UBE2D2: variants seen among roughly 807,000 people sequenced by gnomAD.
UBE2D2 encodes the protein ubiquitin conjugating enzyme E2 D2.
UBE2D2 carries 2 observed loss-of-function variants against 24.2 expected under a neutral mutation model. The ratio of observed to expected loss-of-function variants is 0.08; its 90% CI spans 0.03 to 0.26. The LOEUF (loss-of-function observed/expected upper bound fraction) is 0.26, where lower values mean the gene tolerates loss of function less well. Among genes scored for constraint, UBE2D2 ranks in the 10% least tolerant of loss-of-function variants. The pLI, the probability that UBE2D2 is intolerant of heterozygous loss-of-function variation, is 1.00. For missense variants in UBE2D2, 44 were observed against 177.6 expected, an observed-to-expected ratio of 0.25 and a Z score of 4.28; for synonymous variants, 58 against 56.5, an observed-to-expected ratio of 1.03 and a Z score of -0.12.
At chr5:139,560,139 T>C (rs1396430485), upstream of UBE2D2, among the ~76,000 whole-genome samples, 3 of 151,356 alleles carry the variant, frequency 2.0e-5, no homozygotes, top group African/African-American at 7.3e-5. Context: ...GTTCCAGCGA[T>C]TCTCCTGCCT....
intron 1 of UBE2D2, among the ~76,000 whole-genome samples, chr5:139,583,196 AACTCCTGACCTCAGGTG>A (rs1753644572): frequency 6.6e-6 from 1 of 151,878 alleles, no homozygotes. Flanking sequence ...ACTGGTCTCA[AACTCCTGACCTCAGGTG>A]ATCCACCTGC....
chr5:139,532,220 G>C (rs953788554), intron 1 of UBE2D2, among the ~76,000 whole-genome samples: 3 of 151,012 alleles, frequency 2.0e-5, no homozygotes, highest in Admixed American at 2.0e-4. Context: ...TGTTGCCCAG[G>C]CTGAAGTACA....
intron 2 of UBE2D2, among the ~76,000 whole-genome samples, chr5:139,612,986 G>A (rs1327420094): frequency 6.6e-6 from 1 of 152,104 alleles, no homozygotes; most frequent in Non-Finnish European, 1.5e-5. Context: ...AAGATACTAG[G>A]TCCAGTTTTA....
intron 1 of UBE2D2, among the ~76,000 whole-genome samples, chr5:139,575,441 AAG>A (rs1753449339): frequency 6.6e-6 from 1 of 152,184 alleles, no homozygotes; most frequent in African/African-American, 2.4e-5. Context: ...CAAGCAAAAA[AAG>A]AAAAACCTGA....
intron 1 of UBE2D2, among the ~76,000 whole-genome samples, chr5:139,573,250 C>T (rs1232468411): frequency 3.4e-5 from 5 of 148,424 alleles, no homozygotes; most frequent in Admixed American, 2.0e-4. Context: ...TGCAGTGAGC[C>T]GAGATCGCAC....
In UBE2D2 at chr5:139,561,518, G is replaced by A. The variant is rs933871618; in HGVS notation, c.-274G>A. 7.3e-6 allele frequency: 3 copies of A among 410,882 alleles called. No individual in the cohort carries two copies. Among genetic ancestry groups the A allele is most frequent in the Non-Finnish European group, 1.3e-5 (3 of 232,404 alleles). 25.5% of individuals were successfully genotyped at this position (410,882 alleles called of 1,614,324 possible). ...GGTTTAGGAGGCGGCGCTGATCCTG[G>A]GAGGAAGAGGCAGCTACGGCGGCGG... is the stretch of plus-strand genomic sequence containing the variant. On this transcript the variant is annotated 5_prime_UTR_variant, in exon 1 of 7. Coordinates refer to ENST00000398733, the MANE Select transcript of UBE2D2 (RefSeq NM_003339.3).
At chr5:139,606,692 AT>A (rs1379909935) in intron 2 of UBE2D2, among the ~76,000 whole-genome samples, 1 of 152,158 alleles carries the variant, frequency 6.6e-6, no homozygotes, top group African/African-American at 2.4e-5. Flanking sequence ...TAAATGAAAG[AT>A]TTTTGAAACA....
intron 1 of UBE2D2, among the ~76,000 whole-genome samples, chr5:139,591,131 T>G (rs1753838557): frequency 6.7e-6 from 1 of 148,566 alleles, no homozygotes; most frequent in Admixed American, 6.8e-5. Context: ...TCTCTCTTTT[T>G]TTTTTTTAAG....
chr5:139,626,569 T>A (rs1754632758), intron 6 of UBE2D2, among the ~76,000 whole-genome samples, 187 bp from the exon 7 acceptor site: 2 of 152,228 alleles, frequency 1.3e-5, no homozygotes, highest in African/African-American at 4.8e-5. Flanking sequence ...AAGGAGACTT[T>A]CACATTTTAC....
intron 1 of UBE2D2, among the ~76,000 whole-genome samples, chr5:139,548,193 A>AAAAAAAAT: frequency 6.6e-4 from 31 of 47,072 alleles, no homozygotes; most frequent in Middle Eastern, 9.8e-3. Context: ...ATAAAAAAAA[A>AAAAAAAAT]AAATAAATAA....
intron 1 of UBE2D2, among the ~76,000 whole-genome samples, chr5:139,548,426 G>T (rs1268388570): frequency 1.3e-5 from 2 of 151,746 alleles, no homozygotes; most frequent in African/African-American, 4.8e-5. Flanking sequence ...GAGCCTGCAG[G>T]AAACGATCCA....
rs77999908 is a variant in UBE2D2, at chr5:139,534,568, GA to G, written c.-64+7974del. 7.1e-3 allele frequency among the ~76,000 whole-genome samples: 812 copies of G among 114,096 alleles called. 5 individuals are homozygous for G. Among genetic ancestry groups the G allele is most frequent in the African/African-American group, 0.011 (333 of 30,502 alleles). 74.9% of individuals were successfully genotyped at this position (114,096 alleles called of 152,430 possible). On this transcript the variant is annotated intron_variant, in intron 1 of 6. Transcript: ENST00000511725. ...GTGACAGAGTGAGACACTGTCTCAG[GA>G]AAAAAAAAAAAAAAAAATTAGCCAG...
At chr5:139,602,843 A>G (rs564528870) in intron 2 of UBE2D2, among the ~76,000 whole-genome samples, 1 of 152,330 alleles carries the variant, frequency 6.6e-6, no homozygotes, top group East Asian at 1.9e-4. Context: ...ACTCATTTAC[A>G]TTATTATATT....
chr5:139,562,094 T>G (rs1391014701), intron 1 of UBE2D2: 8 of 945,766 alleles, frequency 8.5e-6, no homozygotes, highest in East Asian at 8.4e-5. Context: ...CTCTCCAGTC[T>G]GGGACTGCCG....
chr5:139,572,988 A>C lies in UBE2D2; in HGVS notation c.24+11173A>C, dbSNP rs118056136. Among the ~76,000 whole-genome samples, 1,173 of 152,054 alleles carry C rather than the reference A, an allele frequency of 7.7e-3. 50 individuals are homozygous for C. The East Asian group carries it at 0.14, about 18-fold the overall frequency. ...TAAAATATATAATCAAAATAATGTCACAAACAGAATTATTAAGAATTATCA... is the reference window on the plus strand; with the variant it reads ...TAAAATATATAATCAAAATAATGTCCCAAACAGAATTATTAAGAATTATCA... On this transcript the variant is annotated intron_variant, in intron 1 of 6. Coordinates refer to ENST00000398733, the MANE Select transcript of UBE2D2 (RefSeq NM_003339.3).
intron 5 of UBE2D2, among the ~76,000 whole-genome samples, chr5:139,618,341 GAAATA>G (rs1754456642): frequency 6.6e-6 from 1 of 152,124 alleles, no homozygotes; most frequent in African/African-American, 2.4e-5. Flanking sequence ...GTCCCAGGCA[GAAATA>G]AAAACAGGAT....
At chr5:139,591,527 G>C (rs986637914) in intron 1 of UBE2D2, among the ~76,000 whole-genome samples, 16 of 152,146 alleles carry the variant, frequency 1.1e-4, no homozygotes, top group African/African-American at 3.9e-4. Flanking sequence ...AGTTCAGGGA[G>C]AGATTGATAT....
chr5:139,547,537 G>A (rs1435309629), intron 1 of UBE2D2, among the ~76,000 whole-genome samples: 1 of 150,892 alleles, frequency 6.6e-6, no homozygotes, highest in South Asian at 2.1e-4. Flanking sequence ...TTGAGATGGA[G>A]TCTTGCCTGT....
intron 1 of UBE2D2, among the ~76,000 whole-genome samples, chr5:139,553,163 G>T (rs1252035425): frequency 1.3e-5 from 2 of 152,138 alleles, no homozygotes; most frequent in African/African-American, 2.4e-5. Flanking sequence ...ACAGAGTCTA[G>T]AATGTTTTGA....
Sources: allele counts gnomAD v4.1 joint callset (sites outside exome capture counted in the v4.1 genomes callset), GRCh38; gene constraint gnomAD v4.1.1; transcripts MANE v1.5; gene names NCBI Gene and HGNC (gene_info 2026-07-23, HGNC 2026-07-21).